Variants in SETX observed in about 807,000 individuals in gnomAD.
SETX encodes helicase senataxin.
Under a neutral mutation model 227.2 loss-of-function variants are expected in SETX, and 90 were observed. The observed-to-expected ratio is 0.40, with a 90% CI of 0.33 to 0.47. SETX has a LOEUF of 0.47. SETX is among the 20% of genes least tolerant of loss of function. The pLI is 0.91. For missense variants in SETX, 3,052 were observed against 3,181.5 expected (o/e 0.96, Z 0.98); for synonymous variants, 1,210 against 1,113.2 (o/e 1.09, Z -1.73).
rs771592245 is a variant in SETX, at chr9:132,264,423, G to A, written c.7850C>T (p.Thr2617Met). The A allele has an allele frequency of 6.8e-6, 11 of 1,613,970 alleles. No individual in the cohort carries two copies. Among genetic ancestry groups the A allele is most frequent in the African/African-American group, 2.7e-5 (2 of 74,884 alleles). Reference protein sequence around the residue: ...EPPAASPEASTCQSKCDDPEE... With the variant: ...EPPAASPEASMCQSKCDDPEE... ...CGGGTCATCACATTTGCTCTGACAC[G>A]TGGAAGCCTCGGGACTGGCAGCTGG... The change falls in exon 26 of 26, where the codon ACG (threonine) becomes ATG (methionine). Residue 2617 changes from threonine to methionine, a missense_variant. By Grantham distance (81) the Thr-to-Met change is moderately conservative. This residue lies in a region of SETX where 294 missense variants were observed against 278.8 expected (regional missense o/e 1.05). Transcript: ENST00000224140.
At chr9:132,291,310 G>A (rs2131262102) in intron 15 of SETX, among the ~76,000 whole-genome samples, 1 of 151,888 alleles carries the variant, frequency 6.6e-6, no homozygotes, top group Non-Finnish European at 1.5e-5. Flanking sequence ...GCGACTACAG[G>A]CGCCCCCCAC....
chr9:132,309,062 C>T (rs1247639265), intron 11 of SETX, among the ~76,000 whole-genome samples: 2 of 152,074 alleles, frequency 1.3e-5, no homozygotes, highest in South Asian at 2.1e-4. Flanking sequence ...TGCTTGAACC[C>T]GGGAAGCAGA....
rs1842456810 is a variant in SETX at position 132,262,653 on chromosome 9, C to T, written c.*1586G>A. 6.6e-6 allele frequency: 1 copy of T among 152,626 alleles called. No homozygotes were observed. The highest frequency in any genetic ancestry group is 1.5e-5 in the Non-Finnish European group (1 of 68,040). 9.5% of individuals were successfully genotyped at this position (152,626 alleles called of 1,614,324 possible). On this transcript the variant is annotated 3_prime_UTR_variant, in exon 26 of 26. Transcript: ENST00000224140. ...AGGAGTATTCAGTTGACCGTCTGGA[C>T]ACCAGTGAGGGAGACACAGGTAATG...
intron 10 of SETX, among the ~76,000 whole-genome samples, chr9:132,323,295 T>G (rs1846484834): frequency 6.6e-6 from 1 of 152,160 alleles, no homozygotes; most frequent in African/African-American, 2.4e-5. Flanking sequence ...AAAGACATCC[T>G]GGCATTAATT....
chr9:132,292,415 CAAAAAAAAAAA>C (rs60253119), intron 15 of SETX, among the ~76,000 whole-genome samples: 5,513 of 61,170 alleles, frequency 0.09, 400 homozygotes, highest in African/African-American at 0.24. Context: ...AGCTGGGGTA[CAAAAAAAAAAA>C]AAAAAAAAAA....
In SETX at chr9:132,262,837, C is replaced by A. The variant is rs757299913; in HGVS notation, c.*1402G>T. ...ACATGAATCTTCAGCTATTTTCCTACCCCCAAATGAGATATGGGGCTGCAC... is the reference window on the plus strand; with the variant it reads ...ACATGAATCTTCAGCTATTTTCCTAACCCCAAATGAGATATGGGGCTGCAC... On this transcript the variant is annotated 3_prime_UTR_variant, in exon 26 of 26. Coordinates refer to ENST00000224140, the MANE Select transcript of SETX (RefSeq NM_015046.7). The A allele has an allele frequency of 2.0e-5, 3 of 152,184 alleles. No individual in the cohort carries two copies. Among genetic ancestry groups the A allele is most frequent in the Non-Finnish European group, 4.4e-5 (3 of 68,030 alleles). 9.4% of individuals were successfully genotyped at this position (152,184 alleles called of 1,614,324 possible). A position where few individuals can be genotyped will look rare whatever the true frequency, so the allele number is the denominator to read the frequency against.
At chr9:132,284,522 T>G (rs1843725330) in intron 18 of SETX, among the ~76,000 whole-genome samples, 1 of 152,234 alleles carries the variant, frequency 6.6e-6, no homozygotes, top group African/African-American at 2.4e-5. Flanking sequence ...CAGTGTGGTT[T>G]GATTAGGGCT....
At chr9:132,336,617 A>T (rs1181917440) in intron 5 of SETX, 102 bp from the exon 6 acceptor site, 1 of 870,002 alleles carries the variant, frequency 1.1e-6, no homozygotes, top group Non-Finnish European at 1.9e-6. Context: ...TTTAAAAGAC[A>T]TGTGACATAT....
intron 25 of SETX, among the ~76,000 whole-genome samples, chr9:132,265,243 T>C (rs933054065): frequency 6.7e-6 from 1 of 149,652 alleles, no homozygotes; most frequent in Non-Finnish European, 1.5e-5. Flanking sequence ...TTTTTTTTTT[T>C]TGAGACAGAG....
intron 15 of SETX, 62 bp downstream of exon 15, chr9:132,295,810 A>G: frequency 6.7e-7 from 1 of 1,490,676 alleles, no homozygotes; most frequent in Admixed American, 1.9e-5. Context: ...TTTGTCATTC[A>G]AAGTTGCCTA....
chr9:132,263,909 T>A lies in SETX; in HGVS notation c.*330A>T. 1.1e-5 allele frequency: 3 copies of A among 280,484 alleles called. No individual in the cohort carries two copies. The South Asian group carries it at 1.5e-4, about 14-fold the overall frequency. 17.4% of individuals were successfully genotyped at this position (280,484 alleles called of 1,614,324 possible). ...TCTACTAGATTAAATTTTAAAAGGA[T>A]TTTGTTATTTGCTATACAAATATAC... On this transcript the variant is annotated 3_prime_UTR_variant, in exon 26 of 26. Transcript: ENST00000224140.
Position 132,328,161 on chromosome 9 carries a change from C to A in SETX, c.3437G>T (p.Ser1146Ile). The A allele has an allele frequency of 6.2e-7, 1 of 1,614,178 alleles. No homozygotes were observed. Among genetic ancestry groups the A allele is most frequent in the Non-Finnish European group, 8.5e-7 (1 of 1,180,024 alleles). ...EGIEEHTRPRSISVEEFCEIE... is the reference protein window; with the variant it reads ...EGIEEHTRPRIISVEEFCEIE... ...TTCACAAAATTCTTCAACAGAAATA[C>A]TCCGTGGTCTTGTGTGTTCTTCAAT... The change falls in exon 10 of 26, where the codon AGT becomes ATT. Residue 1146 changes from serine to isoleucine, a missense_variant. Around this residue, in one of 10 missense-constraint regions of SETX, gnomAD observed 1,483 missense variants for 1,312.0 expected, o/e 1.13. Coordinates refer to ENST00000224140, the MANE Select transcript of SETX (RefSeq NM_015046.7).
At chr9:132,314,025 G>T (rs1282148558) in intron 10 of SETX, among the ~76,000 whole-genome samples, 1 of 152,014 alleles carries the variant, frequency 6.6e-6, no homozygotes, top group Non-Finnish European at 1.5e-5. Flanking sequence ...TCCGCCTCGT[G>T]GGTTCAAGCG....
chr9:132,283,142 G>C, intron 19 of SETX, 122 bp downstream of exon 19: 2 of 1,208,648 alleles, frequency 1.7e-6, no homozygotes, highest in Non-Finnish European at 2.4e-6. Context: ...ACAGGTAATA[G>C]CAAGTGAAAA....
intron 23 of SETX, among the ~76,000 whole-genome samples, chr9:132,273,838 A>G (rs1174167797): frequency 6.6e-6 from 1 of 152,184 alleles, no homozygotes; most frequent in Non-Finnish European, 1.5e-5. Flanking sequence ...ACAATGTTGA[A>G]AAAAAGCATT....
intron 23 of SETX, 89 bp downstream of exon 23, chr9:132,275,167 C>T (rs1457498584): frequency 1.4e-6 from 2 of 1,421,874 alleles, no homozygotes; most frequent in East Asian, 2.3e-5. Context: ...ACAGACCACT[C>T]CTTAAGAGTT....
chr9:132,288,688 C>T, intron 15 of SETX, 37 bp from the exon 16 acceptor site: 1 of 1,282,920 alleles, frequency 7.8e-7, no homozygotes, highest in Non-Finnish European at 1.1e-6. Context: ...CTAATAAGGA[C>T]ACTGCTGATC....
rs543714835 is a variant in SETX, at chr9:132,348,216, G to A, written c.177+1036C>T. Among the ~76,000 whole-genome samples, 26 of 151,430 alleles carry A rather than the reference G, an allele frequency of 1.7e-4. No homozygotes were observed. The East Asian group carries it at 4.3e-3, about 25-fold the overall frequency. On this transcript the variant is annotated intron_variant, in intron 3 of 25. Coordinates refer to ENST00000224140, the MANE Select transcript of SETX (RefSeq NM_015046.7). Reference sequence around the variant, plus strand: ...CTCTACTAAAAATAAAAAATTAGCCGGGTGTGGTGGCACGTGCCTTTAGTC... The same window carrying A: ...CTCTACTAAAAATAAAAAATTAGCCAGGTGTGGTGGCACGTGCCTTTAGTC...
Position 132,296,029 on chromosome 9 carries a change from C to G in SETX, c.5950-1G>C. ...CGTCTGAATGCCCCTTCCTCTGGTT[C>G]TACAATTTGCCACATATACATACCA... On this transcript the variant is annotated splice_acceptor_variant, in intron 14 of 25. Transcript: ENST00000224140. LOFTEE classifies it high-confidence loss of function. 6.2e-7 allele frequency: 1 copy of G among 1,614,094 alleles called. No homozygotes were observed. The highest frequency in any genetic ancestry group is 8.5e-7 in the Non-Finnish European group (1 of 1,180,026).
Sources: allele counts gnomAD v4.1 joint callset (sites outside exome capture counted in the v4.1 genomes callset), GRCh38; gene constraint gnomAD v4.1.1; regional missense constraint gnomAD v4.1.1; transcripts MANE v1.5; gene names NCBI Gene and HGNC (gene_info 2026-07-23, HGNC 2026-07-21).